The following MCTP1 variants were observed in gnomAD, a reference collection of about 807,000 sequenced individuals.
MCTP1 encodes multiple C2 and transmembrane domain containing 1, also known as multiple C2 and transmembrane domain-containing protein 1.
A neutral mutation model predicts 120.6 loss-of-function variants in MCTP1; 69 were observed. That is an observed-to-expected ratio of 0.57 (90% CI 0.47 to 0.70). The LOEUF (loss-of-function observed/expected upper bound fraction) is 0.70. Ranked by LOEUF, MCTP1 falls within the 30% of genes least tolerant of loss-of-function variation. The pLI is 0.00. For missense variants in MCTP1, 1,203 were observed against 1,248.8 expected, an observed-to-expected ratio of 0.96 and a Z score of 0.55; for synonymous variants, 529 against 493.1, an observed-to-expected ratio of 1.07 and a Z score of -0.96.
intron 17 of MCTP1, among the ~76,000 whole-genome samples, chr5:94,861,441 G>A (rs568455022): frequency 1.4e-4 from 22 of 151,908 alleles, no homozygotes; most frequent in African/African-American, 4.6e-4. Context: ...CTGATAGAAC[G>A]GGGAATGAAA....
At chr5:94,967,251 G>A (rs1265399755) in intron 2 of MCTP1, among the ~76,000 whole-genome samples, 6 of 152,120 alleles carry the variant, frequency 3.9e-5, no homozygotes, top group Non-Finnish European at 5.9e-5. Context: ...CCTGCTGGGT[G>A]GTCTGCTGGG....
At chr5:94,708,833 A>G (rs1459281367) in intron 21 of MCTP1, 3 of 421,080 alleles carry the variant, frequency 7.1e-6, no homozygotes, top group Admixed American at 3.7e-5. Flanking sequence ...TGTGGGAAAT[A>G]AAGGAGCTGC....
chr5:94,953,819 A>C (rs184623497), intron 2 of MCTP1, among the ~76,000 whole-genome samples: 69 of 51,676 alleles, frequency 1.3e-3, no homozygotes, highest in East Asian at 8.9e-3. Flanking sequence ...ATATATACAA[A>C]TATATATATA....
chr5:95,247,906 T>C (rs1283723367), intron 1 of MCTP1, among the ~76,000 whole-genome samples: 3 of 152,198 alleles, frequency 2.0e-5, no homozygotes, highest in African/African-American at 7.2e-5. Context: ...ATCTATTAGG[T>C]ATGCTTGGTG....
intron 19 of MCTP1, among the ~76,000 whole-genome samples, chr5:94,770,054 A>G (rs1008161999): frequency 2.6e-5 from 4 of 152,200 alleles, no homozygotes; most frequent in South Asian, 4.1e-4. Flanking sequence ...TGCAGAGTCA[A>G]TGTCTTTAAA....
intron 17 of MCTP1, chr5:94,826,753 A>C: frequency 5.1e-6 from 1 of 194,478 alleles, no homozygotes; most frequent in Non-Finnish European, 9.5e-6. Flanking sequence ...TTTATCAGAG[A>C]GTAGGGTTGT....
intron 1 of MCTP1, among the ~76,000 whole-genome samples, chr5:95,259,476 C>T (rs562220340): frequency 2.0e-5 from 3 of 152,202 alleles, no homozygotes; most frequent in African/African-American, 7.2e-5. Context: ...TCTAATGTTA[C>T]TCTGGGGTTT....
At chr5:95,184,997 T>C (rs1238372106) in intron 1 of MCTP1, among the ~76,000 whole-genome samples, 2 of 152,198 alleles carry the variant, frequency 1.3e-5, no homozygotes, top group Non-Finnish European at 2.9e-5. Flanking sequence ...TCAGGGAGAC[T>C]GATTTGAGTA....
At chr5:94,766,226 G>A (rs765521427) in intron 19 of MCTP1, among the ~76,000 whole-genome samples, 9 of 152,132 alleles carry the variant, frequency 5.9e-5, no homozygotes, top group South Asian at 2.1e-4. Context: ...TAGCGAGGGC[G>A]AGAAGAACAA....
chr5:95,023,099 T>C (rs777540904), intron 1 of MCTP1, among the ~76,000 whole-genome samples: 26 of 152,086 alleles, frequency 1.7e-4, no homozygotes, highest in Non-Finnish European at 3.2e-4. Flanking sequence ...AAGACTGATA[T>C]ACAGTGAGGC....
intron 1 of MCTP1, among the ~76,000 whole-genome samples, chr5:95,234,240 G>T (rs1326806368): frequency 3.9e-5 from 6 of 152,170 alleles, no homozygotes; most frequent in Non-Finnish European, 8.8e-5. Context: ...ATTTCAAAGA[G>T]GGCTGAGACA....
At chr5:95,178,024 C>A (rs558030626) in intron 1 of MCTP1, among the ~76,000 whole-genome samples, 2 of 152,286 alleles carry the variant, frequency 1.3e-5, no homozygotes, top group East Asian at 3.9e-4. Context: ...TCAGCATGCT[C>A]CTAAGTGGAC....
chr5:94,863,671 A>T (rs968546782), intron 17 of MCTP1, among the ~76,000 whole-genome samples: 4 of 151,892 alleles, frequency 2.6e-5, no homozygotes, highest in Non-Finnish European at 4.4e-5. Context: ...ATAACTTTTT[A>T]AAAATCCATA....
chr5:95,143,397 C>A (rs1433504151), intron 1 of MCTP1, among the ~76,000 whole-genome samples: 1 of 152,068 alleles, frequency 6.6e-6, no homozygotes, highest in Non-Finnish European at 1.5e-5. Context: ...AATGCAACTC[C>A]TCAGCTGATT....
chr5:95,090,084 G>C (rs370416648), intron 1 of MCTP1, among the ~76,000 whole-genome samples: 1 of 152,038 alleles, frequency 6.6e-6, no homozygotes, highest in African/African-American at 2.4e-5. Context: ...AACAATTTTA[G>C]GGATTGTTAA....
intron 3 of MCTP1, 79 bp from the exon 4 acceptor site, chr5:94,942,506 TGTTG>T (rs1817966782): frequency 9.7e-7 from 1 of 1,032,578 alleles, no homozygotes; most frequent in South Asian, 1.4e-5. Flanking sequence ...GGTCATAAAA[TGTTG>T]GTTGTCTATG....
intron 1 of MCTP1, among the ~76,000 whole-genome samples, chr5:95,109,560 T>A (rs561486577): frequency 4.6e-5 from 7 of 152,140 alleles, no homozygotes; most frequent in African/African-American, 1.2e-4. Flanking sequence ...AAAAAAAAAA[T>A]TTCGTACCAG....
chr5:94,734,139 T>C (rs769076791), intron 19 of MCTP1, among the ~76,000 whole-genome samples: 3 of 152,156 alleles, frequency 2.0e-5, no homozygotes, highest in Non-Finnish European at 4.4e-5. Context: ...ATGTACCAGC[T>C]GCCACTTACA....
At chr5:95,153,137 G>C (rs551335697) in intron 1 of MCTP1, among the ~76,000 whole-genome samples, 1 of 152,284 alleles carries the variant, frequency 6.6e-6, no homozygotes, top group South Asian at 2.1e-4. Context: ...GGAGGGACTA[G>C]TTGGGAGGTC....
Sources: allele counts gnomAD v4.1 joint callset (sites outside exome capture counted in the v4.1 genomes callset), GRCh38; gene constraint gnomAD v4.1.1; transcripts MANE v1.5; gene names NCBI Gene and HGNC (gene_info 2026-07-23, HGNC 2026-07-21).